Variants in SETBP1 observed in about 807,000 individuals in gnomAD.
SETBP1 encodes SET-binding protein.
In SETBP1, 9 loss-of-function variants were observed where a neutral mutation model predicts 101.0. The ratio of observed to expected loss-of-function variants is 0.09; its 90% CI spans 0.05 to 0.16. The LOEUF (loss-of-function observed/expected upper bound fraction) is 0.16. Among genes scored for constraint, SETBP1 ranks in the 10% least tolerant of loss-of-function variants. SETBP1 has a pLI of 1.00. For missense variants in SETBP1, 1,858 were observed against 2,033.8 expected, an observed-to-expected ratio of 0.91 and a Z score of 1.66; for synonymous variants, 818 against 788.5, an observed-to-expected ratio of 1.04 and a Z score of -0.63.
At chr18:44,902,738 A>T (rs968346562) in intron 3 of SETBP1, among the ~76,000 whole-genome samples, 2 of 151,954 alleles carry the variant, frequency 1.3e-5, no homozygotes, top group Admixed American at 1.3e-4. Context: ...TACTTGAGTA[A>T]CTCTTTTTAC....
chr18:44,728,798 A>G (rs2069769703), intron 2 of SETBP1, among the ~76,000 whole-genome samples: 1 of 152,220 alleles, frequency 6.6e-6, no homozygotes, highest in Non-Finnish European at 1.5e-5. Context: ...AAATAATGGC[A>G]TATGCAGAGG....
intron 2 of SETBP1, among the ~76,000 whole-genome samples, chr18:44,812,895 G>C (rs1373803600): frequency 6.6e-6 from 1 of 152,132 alleles, no homozygotes; most frequent in African/African-American, 2.4e-5. Flanking sequence ...TATTTTCCTT[G>C]ATGTGAAAAC....
chr18:44,969,735 C>T (rs1217888401), intron 4 of SETBP1, among the ~76,000 whole-genome samples: 1 of 152,184 alleles, frequency 6.6e-6, no homozygotes, highest in South Asian at 2.1e-4. Flanking sequence ...TTTTACCCAA[C>T]CCCTCACAAC....
intron 2 of SETBP1, among the ~76,000 whole-genome samples, chr18:44,731,292 G>A (rs2069832313): frequency 6.6e-6 from 1 of 152,192 alleles, no homozygotes; most frequent in South Asian, 2.1e-4. Flanking sequence ...CAGTCACTAA[G>A]GCCAGCCCAG....
At chr18:44,881,283 C>T (rs2069524572) in intron 3 of SETBP1, among the ~76,000 whole-genome samples, 1 of 152,158 alleles carries the variant, frequency 6.6e-6, no homozygotes, top group Non-Finnish European at 1.5e-5. Flanking sequence ...GATTCACCCA[C>T]CTCAAACCCA....
rs187565523 is a variant in SETBP1 at position 44,746,528 on chromosome 18, G to A, written c.486+44696G>A. Among the ~76,000 whole-genome samples, 317 of 152,326 alleles carry A rather than the reference G, an allele frequency of 2.1e-3. 1 individual carries two copies. Among genetic ancestry groups the A allele is most frequent in the Non-Finnish European group, 3.4e-3 (231 of 68,022 alleles). On this transcript the variant is annotated intron_variant, in intron 2 of 5. Coordinates refer to ENST00000649279, the MANE Select transcript of SETBP1 (RefSeq NM_015559.3). The stretch of plus-strand genomic sequence containing the variant: ...GATGATATGTTTTTAACAGAATCAA[G>A]TTCACACAGGGGTTATCAAATGTGA...
intron 2 of SETBP1, among the ~76,000 whole-genome samples, chr18:44,807,118 T>C (rs2071760594): frequency 6.6e-6 from 1 of 152,178 alleles, no homozygotes. Flanking sequence ...TATTTTTTTC[T>C]GTGGCAATCA....
chr18:44,681,474 C>T (rs2068758266), intron 1 of SETBP1, among the ~76,000 whole-genome samples: 1 of 152,048 alleles, frequency 6.6e-6, no homozygotes, highest in Non-Finnish European at 1.5e-5. Context: ...ATCGGTAGAG[C>T]ATGCTGGTTC....
chr18:44,914,698 G>A (rs2070387756), intron 3 of SETBP1, among the ~76,000 whole-genome samples: 1 of 152,112 alleles, frequency 6.6e-6, no homozygotes, highest in Non-Finnish European at 1.5e-5. Flanking sequence ...TTTTTAGAAG[G>A]TTAATGTCTG....
chr18:44,806,347 C>T lies in SETBP1; in HGVS notation c.487-62883C>T, dbSNP rs111645291. Among the ~76,000 whole-genome samples, 948 of 152,240 alleles carry T rather than the reference C, an allele frequency of 6.2e-3. 7 individuals are homozygous for T. The highest frequency in any genetic ancestry group is 0.022 in the African/African-American group (924 of 41,560). ...CAGGAGTGGTCACAAGACCTTGTCC[C>T]CTGCTAATGCATCATGTTTGATTCT... On this transcript the variant is annotated intron_variant, in intron 2 of 5. Coordinates refer to ENST00000649279, the MANE Select transcript of SETBP1 (RefSeq NM_015559.3).
At chr18:44,773,671 A>G (rs540829134) in intron 2 of SETBP1, among the ~76,000 whole-genome samples, 2 of 152,126 alleles carry the variant, frequency 1.3e-5, no homozygotes, top group Non-Finnish European at 2.9e-5. Flanking sequence ...ACCAAAACAA[A>G]CAAACAAGTA....
chr18:44,996,243 G>A lies in SETBP1; in HGVS notation c.4001-42242G>A, dbSNP rs11659183. ...GATAGCCAGGAGCAATATTTGCTGG[G>A]CACATGAAAAGTCTTCTCCAAAGAA... On this transcript the variant is annotated intron_variant, in intron 4 of 5. Coordinates refer to ENST00000649279, the MANE Select transcript of SETBP1 (RefSeq NM_015559.3). Among the ~76,000 whole-genome samples, 822 of 152,308 alleles carry A rather than the reference G, an allele frequency of 5.4e-3. 3 individuals are homozygous for A. The highest frequency in any genetic ancestry group is 8.8e-3 in the Non-Finnish European group (597 of 68,034).
intron 3 of SETBP1, among the ~76,000 whole-genome samples, chr18:44,894,396 A>T (rs1452339900): frequency 6.6e-6 from 1 of 151,824 alleles, no homozygotes; most frequent in East Asian, 1.9e-4. Flanking sequence ...TCTTACTTGG[A>T]TCATTTTTTT....
chr18:44,706,194 T>C (rs1192007287), intron 2 of SETBP1, among the ~76,000 whole-genome samples: 3 of 152,180 alleles, frequency 2.0e-5, no homozygotes, highest in Non-Finnish European at 2.9e-5. Flanking sequence ...AACTTAAACT[T>C]ACTCAGGTAA....
intron 3 of SETBP1, among the ~76,000 whole-genome samples, chr18:44,874,304 T>A (rs2069346586): frequency 6.6e-6 from 1 of 152,210 alleles, no homozygotes; most frequent in Non-Finnish European, 1.5e-5. Context: ...ATATGTCATG[T>A]TTTAGTTGAT....
chr18:45,025,863 A>G (rs1451826430), intron 4 of SETBP1, among the ~76,000 whole-genome samples: 1 of 152,228 alleles, frequency 6.6e-6, no homozygotes, highest in East Asian at 1.9e-4. Flanking sequence ...AAAGGTGAGG[A>G]CATGTTGGGC....
intron 4 of SETBP1, among the ~76,000 whole-genome samples, chr18:44,954,466 T>A (rs1268026205): frequency 6.6e-6 from 1 of 152,144 alleles, no homozygotes; most frequent in Non-Finnish European, 1.5e-5. Context: ...CACTTCTGTT[T>A]ATGATGTGTA....
chr18:44,728,668 CA>C (rs1441401736), intron 2 of SETBP1, among the ~76,000 whole-genome samples: 1 of 152,114 alleles, frequency 6.6e-6, no homozygotes, highest in Non-Finnish European at 1.5e-5. Flanking sequence ...TATAATCCTC[CA>C]AATCCTATTG....
At chr18:44,948,117 G>T (rs573307506) in intron 3 of SETBP1, among the ~76,000 whole-genome samples, 2 of 152,290 alleles carry the variant, frequency 1.3e-5, no homozygotes, top group Admixed American at 1.3e-4. Context: ...CCCTCAAGTG[G>T]TCGGATTAAT....
Sources: gnomAD v4.1 joint callset for allele counts (sites outside exome capture counted in the v4.1 genomes callset) on GRCh38, gnomAD v4.1.1 for gene constraint, MANE v1.5 for transcripts, NCBI Gene and HGNC (gene_info 2026-07-23, HGNC 2026-07-21) for gene names.